DCC: variants seen among roughly 807,000 people sequenced by gnomAD.
DCC encodes DCC netrin 1 receptor, also known as netrin receptor DCC.
DCC carries 58 observed loss-of-function variants against 172.5 expected under a neutral mutation model. The observed-to-expected ratio is 0.34, with a 90% confidence interval of 0.27 to 0.42. The LOEUF (loss-of-function observed/expected upper bound fraction) is 0.42, where lower values mean the gene tolerates loss of function less well. DCC is among the 10% of genes least tolerant of loss of function. The pLI is 1.00. For missense variants in DCC, 1,740 were observed against 1,791.0 expected (o/e 0.97, Z 0.51); for synonymous variants, 709 against 644.5 (o/e 1.10, Z -1.52).
intron 1 of DCC, among the ~76,000 whole-genome samples, chr18:52,693,633 C>A (rs977496274): frequency 2.6e-5 from 4 of 151,770 alleles, no homozygotes; most frequent in Non-Finnish European, 5.9e-5. Context: ...GGGATATTGG[C>A]TCCTTGGAGA....
At chr18:53,151,191 CTAT>C (rs1568333245) in intron 7 of DCC, among the ~76,000 whole-genome samples, 1 of 152,150 alleles carries the variant, frequency 6.6e-6, no homozygotes, top group African/African-American at 2.4e-5. Flanking sequence ...TTCCATAGCA[CTAT>C]TATTATGATA....
intron 5 of DCC, among the ~76,000 whole-genome samples, chr18:52,988,106 T>A (rs1002495651): frequency 3.9e-5 from 6 of 152,214 alleles, no homozygotes; most frequent in Non-Finnish European, 8.8e-5. Flanking sequence ...CAAAAATAAA[T>A]AATCTGAAAT....
At chr18:53,112,512 T>C (rs1273964137) in intron 7 of DCC, among the ~76,000 whole-genome samples, 1 of 151,474 alleles carries the variant, frequency 6.6e-6, no homozygotes, top group East Asian at 2.0e-4. Context: ...AGTGCAGTGC[T>C]GCTGCATTGA....
At chr18:53,169,864 A>G (rs1280557235) in intron 8 of DCC, among the ~76,000 whole-genome samples, 5 of 152,168 alleles carry the variant, frequency 3.3e-5, no homozygotes, top group Non-Finnish European at 1.5e-5. Context: ...GTGAGCAGAG[A>G]GGAAATCCTT....
chr18:53,119,113 C>T (rs561180548), intron 7 of DCC, among the ~76,000 whole-genome samples: 2 of 151,804 alleles, frequency 1.3e-5, no homozygotes, highest in African/African-American at 2.4e-5. Flanking sequence ...TATGCTGTGT[C>T]CCCCTGAGGT....
intron 1 of DCC, among the ~76,000 whole-genome samples, chr18:52,507,462 A>T (rs2031274216): frequency 6.6e-6 from 1 of 152,232 alleles, no homozygotes; most frequent in Non-Finnish European, 1.5e-5. Flanking sequence ...ATGGAATAGT[A>T]AAATGGCTAA....
Position 52,370,803 on chromosome 18 carries a change from G to T in DCC, c.91+29925G>T, listed in dbSNP as rs1985088159. 2.0e-5 allele frequency among the ~76,000 whole-genome samples: 3 copies of T among 152,190 alleles called. No individual in the cohort carries two copies. In the South Asian group the frequency reaches 6.2e-4, roughly 31 times the overall value. ...AATTGAAGAAAAATCACCAACGCTTGAGAGAAATTGTTTAACCATTTTAAA... is the reference window on the plus strand; with the variant it reads ...AATTGAAGAAAAATCACCAACGCTTTAGAGAAATTGTTTAACCATTTTAAA... On this transcript the variant is annotated intron_variant, in intron 1 of 28. Transcript: ENST00000442544.
intron 5 of DCC, among the ~76,000 whole-genome samples, chr18:53,005,786 T>C (rs1448428987): frequency 6.6e-6 from 1 of 152,204 alleles, no homozygotes; most frequent in East Asian, 1.9e-4. Flanking sequence ...TGTTTGTTGG[T>C]TATTTTTCAT....
At chr18:53,242,318 G>T (rs2056307464) in intron 12 of DCC, among the ~76,000 whole-genome samples, 1 of 152,106 alleles carries the variant, frequency 6.6e-6, no homozygotes, top group South Asian at 2.1e-4. Flanking sequence ...AGTTTCCAAT[G>T]GGACAGCCAG....
At chr18:52,674,649 A>C (rs558998307) in intron 1 of DCC, among the ~76,000 whole-genome samples, 1 of 152,352 alleles carries the variant, frequency 6.6e-6, no homozygotes, top group East Asian at 1.9e-4. Context: ...TTCATGTAAC[A>C]ATCTATACAT....
At chr18:52,475,917 C>T (rs182273807) in intron 1 of DCC, among the ~76,000 whole-genome samples, 1 of 152,296 alleles carries the variant, frequency 6.6e-6, no homozygotes, top group East Asian at 1.9e-4. Flanking sequence ...ATCTTCTTCA[C>T]CTTATATGCT....
chr18:53,300,014 G>A (rs1424173728), intron 12 of DCC, among the ~76,000 whole-genome samples: 1 of 152,118 alleles, frequency 6.6e-6, no homozygotes, highest in Non-Finnish European at 1.5e-5. Context: ...TAAGAGTGGT[G>A]CTTAATTTAT....
chr18:53,341,877 C>G (rs1270684287), intron 15 of DCC, among the ~76,000 whole-genome samples: 4 of 151,942 alleles, frequency 2.6e-5, no homozygotes, highest in African/African-American at 9.7e-5. Flanking sequence ...TCCATAGTAA[C>G]TTTTTGAGAA....
chr18:52,770,947 C>A (rs1324129090), intron 2 of DCC, among the ~76,000 whole-genome samples: 129 of 152,182 alleles, frequency 8.5e-4, no homozygotes, highest in Non-Finnish European at 1.0e-4. Context: ...TACATGGTTC[C>A]TCACATGCTG....
At chr18:53,221,783 A>G (rs887760554) in intron 12 of DCC, among the ~76,000 whole-genome samples, 2 of 152,166 alleles carry the variant, frequency 1.3e-5, no homozygotes, top group Non-Finnish European at 2.9e-5. Flanking sequence ...GAAAAACTTA[A>G]TGAATCAGTG....
At chr18:52,839,503 A>G (rs1274888033) in intron 2 of DCC, among the ~76,000 whole-genome samples, 2 of 152,214 alleles carry the variant, frequency 1.3e-5, no homozygotes, top group African/African-American at 4.8e-5. Context: ...TGATTGCACG[A>G]CTAGGCAGAT....
intron 1 of DCC, among the ~76,000 whole-genome samples, chr18:52,361,311 TG>T (rs1984608394): frequency 6.6e-6 from 1 of 152,242 alleles, no homozygotes; most frequent in African/African-American, 2.4e-5. Context: ...TTTCTCTACC[TG>T]CCCCACATTT....
chr18:53,052,074 G>A (rs924276255), intron 5 of DCC, among the ~76,000 whole-genome samples: 8 of 151,550 alleles, frequency 5.3e-5, no homozygotes, highest in Non-Finnish European at 1.0e-4. Flanking sequence ...TGATGATATC[G>A]AGTCTGATAC....
chr18:53,389,209 A>G (rs1050349108), intron 16 of DCC, among the ~76,000 whole-genome samples: 1 of 152,030 alleles, frequency 6.6e-6, no homozygotes, highest in Non-Finnish European at 1.5e-5. Flanking sequence ...CTTTTACTAA[A>G]TTTTTTTTCA....
Sources: allele counts gnomAD v4.1 joint callset (sites outside exome capture counted in the v4.1 genomes callset), GRCh38; gene constraint gnomAD v4.1.1; transcripts MANE v1.5; gene names NCBI Gene and HGNC (gene_info 2026-07-23, HGNC 2026-07-21).